The following CACNA1C variants were observed in gnomAD, a reference collection of about 807,000 sequenced individuals.
CACNA1C encodes voltage-dependent L-type calcium channel subunit alpha-1C.
A neutral mutation model predicts 229.0 loss-of-function variants in CACNA1C; 30 were observed. That is an observed-to-expected ratio of 0.13 (90% CI 0.10 to 0.18). The LOEUF (loss-of-function observed/expected upper bound fraction) is 0.18, where lower values mean the gene tolerates loss of function less well. CACNA1C is among the 10% of genes least tolerant of loss of function. The pLI, the probability that CACNA1C is intolerant of heterozygous loss-of-function variation, is 1.00. For missense variants in CACNA1C, 1,658 were observed against 2,845.0 expected (o/e 0.58, Z 9.49); for synonymous variants, 1,114 against 1,132.5 (o/e 0.98, Z 0.33).
At chr12:2,628,597 G>A (rs1171172497) in intron 29 of CACNA1C, among the ~76,000 whole-genome samples, 2 of 152,168 alleles carry the variant, frequency 1.3e-5, no homozygotes, top group Admixed American at 6.5e-5. Flanking sequence ...ACTAGGCAGA[G>A]CAACGCTGGT....
Position 2,666,584 on chromosome 12 carries a change from G to C in CACNA1C, c.4527-102G>C. ...TAGGGCTACCACACTGTGCAGTGTT[G>C]CCCATATGAGTGGGCCCTACCCCTC... On this transcript the variant is annotated intron_variant, in intron 36 of 46. Transcript: ENST00000399655. This position sits in a 1 kb window ranked among gnomAD's most constrained non-coding sequence, Gnocchi z 5.3. 1.5e-6 allele frequency: 1 copy of C among 676,038 alleles called. No individual in the cohort carries two copies. The highest frequency in any genetic ancestry group is 2.7e-6 in the Non-Finnish European group (1 of 373,252). The allele number at this position is 676,038 out of a possible 1,614,324, so 41.9% of individuals were successfully genotyped here. A position where few individuals can be genotyped will look rare whatever the true frequency, so the allele number is the denominator to read the frequency against.
intron 27 of CACNA1C, among the ~76,000 whole-genome samples, chr12:2,609,243 C>T (rs1442012784): frequency 6.6e-6 from 1 of 152,110 alleles, no homozygotes; most frequent in African/African-American, 2.4e-5. Flanking sequence ...CCGTGAAGAG[C>T]TGGCAGTGCC....
At chr12:2,006,265 A>G (rs993356017) in intron 1 of CACNA1C, among the ~76,000 whole-genome samples, 3 of 152,070 alleles carry the variant, frequency 2.0e-5, no homozygotes, top group Non-Finnish European at 4.4e-5. Flanking sequence ...AAAATTAGCC[A>G]GGAGTGGTGG....
intron 33 of CACNA1C, 85 bp from the exon 34 acceptor site, chr12:2,655,062 C>G (rs974596716): frequency 1.2e-6 from 1 of 826,380 alleles, no homozygotes; most frequent in Non-Finnish European, 2.1e-6. Context: ...ACCTGAGACC[C>G]CTGAAGAGAC....
At chr12:2,462,256 C>G (rs896099537) in intron 5 of CACNA1C, among the ~76,000 whole-genome samples, 1 of 151,396 alleles carries the variant, frequency 6.6e-6, no homozygotes, top group African/African-American at 2.4e-5. Flanking sequence ...CTCGGCTCAG[C>G]TCTCCATACA....
Position 2,575,440 on chromosome 12 carries a change from G to A in CACNA1C, c.1896-6150G>A, listed in dbSNP as rs557079034. Among the ~76,000 whole-genome samples the A allele has an allele frequency of 9.9e-5, 15 of 152,156 alleles. No individual in the cohort carries two copies. In the South Asian group the frequency reaches 1.2e-3, roughly 13 times the overall value. ...TTAAGGGGCTGGGGCTCAATTTGAC[G>A]GAAGCTCTGCTCTGAGGACACCCCC... On this transcript the variant is annotated intron_variant, in intron 13 of 46. Transcript: ENST00000399655. This position sits in a 1 kb window ranked among gnomAD's most constrained non-coding sequence, Gnocchi z 4.0.
At chr12:2,230,562 G>A (rs949852256) in intron 3 of CACNA1C, among the ~76,000 whole-genome samples, 1 of 152,242 alleles carries the variant, frequency 6.6e-6, no homozygotes, top group Non-Finnish European at 1.5e-5. Flanking sequence ...CACCCATCGT[G>A]ACCCTCGACG....
chr12:2,176,174 G>A (rs1418299345), intron 3 of CACNA1C, among the ~76,000 whole-genome samples: 1 of 152,162 alleles, frequency 6.6e-6, no homozygotes, highest in Non-Finnish European at 1.5e-5. Flanking sequence ...AGCAGGCTCA[G>A]GAGGTGACAT....
At chr12:2,311,233 G>C (rs902448072) in intron 3 of CACNA1C, among the ~76,000 whole-genome samples, 1 of 152,222 alleles carries the variant, frequency 6.6e-6, no homozygotes. Context: ...ATGACTTCCA[G>C]ATGCTGGAAG....
At chr12:2,550,421 G>A in intron 10 of CACNA1C, 2 of 780,866 alleles carry the variant, frequency 2.6e-6, no homozygotes, top group South Asian at 3.2e-5. Context: ...AGGGCCCTGA[G>A]TCCTGCTGGC....
At chr12:2,114,434 T>C (rs1239738562) in intron 1 of CACNA1C, among the ~76,000 whole-genome samples, 1 of 152,164 alleles carries the variant, frequency 6.6e-6, no homozygotes, top group East Asian at 1.9e-4. Flanking sequence ...CTGTACTTTA[T>C]TGGTAAAACA....
At chr12:2,503,130 T>C (rs1679601941) in intron 7 of CACNA1C, among the ~76,000 whole-genome samples, 1 of 152,198 alleles carries the variant, frequency 6.6e-6, no homozygotes. Flanking sequence ...TCAGTGGTGC[T>C]CAAGCATGCA....
chr12:2,353,282 C>CA (rs2097259648), intron 3 of CACNA1C, among the ~76,000 whole-genome samples: 1 of 152,152 alleles, frequency 6.6e-6, no homozygotes, highest in African/African-American at 2.4e-5. Flanking sequence ...TGCAAGTCTC[C>CA]AAGGCCTGAC....
At chr12:2,477,884 T>C (rs547873684) in intron 5 of CACNA1C, among the ~76,000 whole-genome samples, 3 of 152,092 alleles carry the variant, frequency 2.0e-5, no homozygotes, top group African/African-American at 7.2e-5. Flanking sequence ...ATTATCTTAA[T>C]TTGAGTGTGA....
At chr12:2,498,001 AC>A (rs2099750607) in intron 7 of CACNA1C, among the ~76,000 whole-genome samples, 1 of 151,204 alleles carries the variant, frequency 6.6e-6, no homozygotes, top group Middle Eastern at 3.4e-3. Context: ...ACACACACAC[AC>A]AACAGCTATT....
In CACNA1C at chr12:2,575,327, C is replaced by G. The variant is rs771074928; in HGVS notation, c.1896-6263C>G. On this transcript the variant is annotated intron_variant, in intron 13 of 46. Coordinates refer to ENST00000399655, the MANE Select transcript of CACNA1C (RefSeq NM_000719.7). The surrounding 1 kb of genome is among the most constrained non-coding windows in gnomAD (Gnocchi z 4.0). Reference sequence around the variant, plus strand: ...CCAGGTTGTCCCAGACCAAAATACTCTAGAATTCTGCTTGACTCCTCCTGG... The same window carrying G: ...CCAGGTTGTCCCAGACCAAAATACTGTAGAATTCTGCTTGACTCCTCCTGG... 3.9e-5 allele frequency among the ~76,000 whole-genome samples: 6 copies of G among 152,190 alleles called. No individual in the cohort carries two copies. The highest frequency in any genetic ancestry group is 7.3e-5 in the Non-Finnish European group (5 of 68,036).
intron 7 of CACNA1C, among the ~76,000 whole-genome samples, chr12:2,497,706 AT>A (rs200236172): frequency 1.3e-5 from 2 of 151,634 alleles, no homozygotes; most frequent in East Asian, 1.9e-4. Flanking sequence ...TCTTCGACTG[AT>A]TTTTTTTTAC....
At chr12:2,526,121 G>C (rs1242898254) in intron 9 of CACNA1C, among the ~76,000 whole-genome samples, 1 of 152,140 alleles carries the variant, frequency 6.6e-6, no homozygotes, top group Admixed American at 6.5e-5. Flanking sequence ...TCTATATCCT[G>C]GTACCAGGTG....
At position 2,464,168 on chromosome 12, in the gene CACNA1C, T is replaced by A. The variant is rs535143073; in HGVS notation, c.757+6462T>A. Among the ~76,000 whole-genome samples, 7 of 152,276 alleles carry A rather than the reference T, an allele frequency of 4.6e-5. No homozygotes were observed. The East Asian group carries it at 1.4e-3, about 29-fold the overall frequency. On this transcript the variant is annotated intron_variant, in intron 5 of 46. Transcript: ENST00000399655. ...AACTCAGAGCAACCTAGACTTGATC[T>A]GATGATGAAAGGAACTGAAAAATCA...
Sources: gnomAD v4.1 joint callset for allele counts (sites outside exome capture counted in the v4.1 genomes callset) on GRCh38, gnomAD v4.1.1 for gene constraint, Gnocchi (gnomAD v3.1) non-coding constraint, MANE v1.5 for transcripts, NCBI Gene and HGNC (gene_info 2026-07-23, HGNC 2026-07-21) for gene names.